KCP: variants seen among roughly 807,000 people sequenced by gnomAD.
KCP encodes kielin/chordin-like protein.
KCP carries 194 observed loss-of-function variants against 212.7 expected under a neutral mutation model. That is an observed-to-expected ratio of 0.91 (90% CI 0.81 to 1.03). KCP has a LOEUF of 1.03. KCP is among the 50% of genes least tolerant of loss of function. The pLI, the probability that KCP is intolerant of heterozygous loss-of-function variation, is 0.00. For synonymous variants in KCP, 833 were observed against 865.3 expected (o/e 0.96, Z 0.65); for missense variants, 2,080 against 2,162.5 (o/e 0.96, Z 0.76).
intron 8 of KCP, among the ~76,000 whole-genome samples, chr7:128,896,591 C>CA (rs1051751811): frequency 8.6e-5 from 13 of 151,998 alleles, no homozygotes; most frequent in Admixed American, 4.6e-4. Flanking sequence ...ATAGGACTGC[C>CA]AAAAAAGATC....
chr7:128,891,129 G>T, intron 19 of KCP, 33 bp from the exon 20 acceptor site: 1 of 1,528,844 alleles, frequency 6.5e-7, no homozygotes. Flanking sequence ...AGGGGCCCAG[G>T]AACAGGCCTC....
chr7:128,889,484 C>T (rs1029766569), intron 21 of KCP, among the ~76,000 whole-genome samples: 2 of 152,188 alleles, frequency 1.3e-5, no homozygotes, highest in African/African-American at 4.8e-5. Context: ...GGTGACAGCC[C>T]GCTCTTGGCA....
intron 28 of KCP, 147 bp downstream of exon 28, chr7:128,884,634 C>T: frequency 1.3e-6 from 1 of 760,970 alleles, no homozygotes; most frequent in East Asian, 2.7e-5. Context: ...GGCCCCAACC[C>T]TGCCTTGTCT....
At position 128,901,097 on chromosome 7, in the gene KCP, G is replaced by A. The variant is rs539769891; in HGVS notation, c.831+1680C>T. Among the ~76,000 whole-genome samples, 23 of 152,304 alleles carry A rather than the reference G, an allele frequency of 1.5e-4. 1 individual carries two copies. In the South Asian group the frequency reaches 4.8e-3, roughly 32 times the overall value. On this transcript the variant is annotated intron_variant, in intron 8 of 39. Transcript: ENST00000610776. The stretch of plus-strand genomic sequence containing the variant: ...TAAATGCCACCAAAACCAAGATGGC[G>A]ACGAGAGTGACCTCTGGTTGTCCTC...
chr7:128,901,856 C>T (rs191580013), intron 8 of KCP, among the ~76,000 whole-genome samples: 8 of 152,288 alleles, frequency 5.3e-5, no homozygotes, highest in Non-Finnish European at 1.0e-4. Flanking sequence ...CCCCACCTGG[C>T]CTTCACGGCT....
At position 128,890,502 on chromosome 7, in the gene KCP, G is replaced by C; in HGVS notation, c.2176C>G (p.Gln726Glu). Residue 726 changes from glutamine to glutamate, a missense_variant, in exon 21 of 40, where the codon CAG becomes GAG. By Grantham distance (29) the Gln-to-Glu change is conservative (BLOSUM62 2). Transcript: ENST00000610776. ...TCCCCGCTGGCAAACTCCTTCCCCT[G>C]GTACAGGCAGCCTGGGGAGAAGGGC... is the stretch of plus-strand genomic sequence containing the variant. ...CCPSCDGCLY[Q>E]GKEFASGERF... 6.5e-7 allele frequency: 1 copy of C among 1,548,570 alleles called. No individual in the cohort carries two copies. Among genetic ancestry groups the C allele is most frequent in the South Asian group, 1.2e-5 (1 of 83,956 alleles).
intron 20 of KCP, 95 bp from the exon 21 acceptor site, chr7:128,890,608 G>T: frequency 1.0e-6 from 1 of 967,184 alleles, no homozygotes; most frequent in Non-Finnish European, 1.5e-6. Flanking sequence ...GACGGGTGTC[G>T]TGGGGGCCGT....
At chr7:128,902,005 C>G (rs1419843965) in intron 8 of KCP, among the ~76,000 whole-genome samples, 1 of 152,176 alleles carries the variant, frequency 6.6e-6, no homozygotes, top group African/African-American at 2.4e-5. Flanking sequence ...TCTGTGCTGC[C>G]CGGTAGAAAT....
At chr7:128,898,505 CTAGTACA>C (rs1158826481) in intron 8 of KCP, among the ~76,000 whole-genome samples, 6 of 152,204 alleles carry the variant, frequency 3.9e-5, no homozygotes, top group Middle Eastern at 3.2e-3. Flanking sequence ...GGCTCCACAC[CTAGTACA>C]TAGTTAAAAT....
chr7:128,899,509 G>A (rs555765501), intron 8 of KCP, among the ~76,000 whole-genome samples: 2 of 152,298 alleles, frequency 1.3e-5, no homozygotes, highest in South Asian at 4.1e-4. Flanking sequence ...GAAGTTAACT[G>A]CATGGACTCT....
At chr7:128,903,463 T>G in intron 7 of KCP, 7 of 529,840 alleles carry the variant, frequency 1.3e-5, no homozygotes, top group Admixed American at 3.6e-5. Flanking sequence ...CCATGTCTCA[T>G]GATTGGGGAG....
chr7:128,887,043 G>A lies in KCP; in HGVS notation c.2599-77C>T, dbSNP rs529051558. ...GGCTGGAGCCCCTACTGAGCCTGCA[G>A]GGGCCCAAACACCCTCCCTTGGCCC... On this transcript the variant is annotated intron_variant, in intron 23 of 39. Transcript: ENST00000610776. The A allele has an allele frequency of 1.6e-4, 164 of 1,027,194 alleles. 3 individuals are homozygous for A. In the African/African-American group the frequency reaches 2.2e-3, roughly 14 times the overall value. The allele number at this position is 1,027,194 out of a possible 1,614,324, so 63.6% of individuals were successfully genotyped here. A position where few individuals can be genotyped will look rare whatever the true frequency, so the allele number is the denominator to read the frequency against.
At chr7:128,907,750 C>A (rs1189774502) in intron 2 of KCP, among the ~76,000 whole-genome samples, 1 of 152,210 alleles carries the variant, frequency 6.6e-6, no homozygotes, top group Non-Finnish European at 1.5e-5. Context: ...CCATAACATT[C>A]CCCAAATACA....
In KCP at chr7:128,907,399, C is replaced by G; in HGVS notation, c.274G>C (p.Ala92Pro). The G allele has an allele frequency of 6.6e-7, 1 of 1,525,712 alleles. No homozygotes were observed. The highest frequency in any genetic ancestry group is 8.9e-7 in the Non-Finnish European group (1 of 1,127,638). The allele number at this position is 1,525,712 out of a possible 1,614,324, so 94.5% of individuals were successfully genotyped here. The change falls in exon 3 of 40, where the codon GCA (alanine) becomes CCA (proline). Residue 92 changes from alanine to proline, a missense_variant. Transcript: ENST00000610776. ...CCCAGCCCCCAGCACTGGGGAGATG[C>G]AGGGTGGCACTCACAGGACTCCAGC... is the stretch of plus-strand genomic sequence containing the variant. ...RQLESCECHPASPQCWGLGRA... is the reference protein window; with the variant it reads ...RQLESCECHPPSPQCWGLGRA...
chr7:128,906,921 CA>C (rs1481216622), intron 4 of KCP, among the ~76,000 whole-genome samples, 179 bp downstream of exon 4: 1 of 152,168 alleles, frequency 6.6e-6, no homozygotes, highest in Admixed American at 6.5e-5. Flanking sequence ...GGGGACCCCC[CA>C]GTGTCCGTGG....
intron 4 of KCP, 113 bp downstream of exon 4, chr7:128,906,988 G>A: frequency 3.9e-6 from 4 of 1,013,516 alleles, no homozygotes; most frequent in Non-Finnish European, 5.8e-6. Flanking sequence ...GGCAAGGTGT[G>A]GGAGTGGCAG....
chr7:128,891,667 A>G lies in KCP; in HGVS notation c.1774T>C (p.Cys592Arg). Residue 592 changes from cysteine to arginine, a missense_variant, in exon 17 of 40, where the codon TGC becomes CGC. Cys to Arg is a radical substitution (Grantham distance 180). Coordinates refer to ENST00000610776, the MANE Select transcript of KCP (RefSeq NM_001366122.1). ...TCACCGCTGCAGTCGTTCGGGCAGC[A>G]GGTCCCAGGCAGCGGGTGGGCACAG... Reference protein sequence around the residue: ...APCAHPLPGTCCPNDCSGCAF... With the variant: ...APCAHPLPGTRCPNDCSGCAF... 6.9e-7 allele frequency: 1 copy of G among 1,459,756 alleles called. No homozygotes were observed. The highest frequency in any genetic ancestry group is 9.1e-7 in the Non-Finnish European group (1 of 1,104,220). 90.4% of individuals were successfully genotyped at this position (1,459,756 alleles called of 1,614,324 possible). A position where few individuals can be genotyped will look rare whatever the true frequency, so the allele number is the denominator to read the frequency against.
chr7:128,889,161 T>C, intron 21 of KCP, 122 bp from the exon 22 acceptor site: 1 of 317,608 alleles, frequency 3.1e-6, no homozygotes, highest in Non-Finnish European at 4.1e-6. Flanking sequence ...GCGTGGGGGC[T>C]GGGGGGTCAC....
Position 128,910,608 on chromosome 7 carries a change from G to T in KCP, c.69C>A (p.Gly23=). ...TCCCGCACCTGGACTCACCTTCCGC[G>T]CCCGCGGCCAGCGCCAGGGCCCCGA... ...LHLGALALAA[G]AEGGAVPREP... is the part of the protein sequence containing the mutation. Residue 23 remains glycine, a synonymous_variant, in exon 1 of 40, where the codon GGC becomes GGA. Coordinates refer to ENST00000610776, the MANE Select transcript of KCP (RefSeq NM_001366122.1). 3.3e-6 allele frequency: 5 copies of T among 1,514,670 alleles called. No homozygotes were observed. The highest frequency in any genetic ancestry group is 1.8e-6 in the Non-Finnish European group (2 of 1,138,630). The allele number at this position is 1,514,670 out of a possible 1,614,324, so 93.8% of individuals were successfully genotyped here.
Sources: gnomAD v4.1 joint callset for allele counts (sites outside exome capture counted in the v4.1 genomes callset) on GRCh38, gnomAD v4.1.1 for gene constraint, MANE v1.5 for transcripts, NCBI Gene and HGNC (gene_info 2026-07-23, HGNC 2026-07-21) for gene names.